The following RFFL variants were observed in gnomAD, a reference collection of about 807,000 sequenced individuals.
RFFL encodes the protein E3 ubiquitin-protein ligase rififylin.
RFFL carries 16 observed loss-of-function variants against 40.4 expected under a neutral mutation model. That is an observed-to-expected ratio of 0.40 (90% CI 0.27 to 0.60). The LOEUF (loss-of-function observed/expected upper bound fraction) is 0.60, where lower values mean the gene tolerates loss of function less well. Ranked by LOEUF, RFFL falls within the 20% of genes least tolerant of loss-of-function variation. The pLI is 0.47. For synonymous variants in RFFL, 154 were observed against 167.9 expected (o/e 0.92, Z 0.64); for missense variants, 367 against 451.7 (o/e 0.81, Z 1.70).
chr17:35,061,209 T>A (rs1331015877), intron 1 of RFFL, among the ~76,000 whole-genome samples: 2 of 152,260 alleles, frequency 1.3e-5, no homozygotes, highest in African/African-American at 4.8e-5. Context: ...AGATGTGGAC[T>A]TTAAAAAGAT....
chr17:35,026,178 C>T (rs933180651), intron 2 of RFFL, among the ~76,000 whole-genome samples, 196 bp downstream of exon 2: 14 of 152,198 alleles, frequency 9.2e-5, no homozygotes, highest in Non-Finnish European at 1.9e-4. Flanking sequence ...TCTACTGACT[C>T]CAAATCTATG....
chr17:35,041,126 TA>T (rs776068783), intron 1 of RFFL, among the ~76,000 whole-genome samples: 26 of 152,040 alleles, frequency 1.7e-4, no homozygotes, highest in South Asian at 6.2e-4. Context: ...TTTCCCTAAC[TA>T]GAATAGAAAC....
At chr17:35,027,371 A>G (rs890199560) in intron 1 of RFFL, among the ~76,000 whole-genome samples, 13 of 152,172 alleles carry the variant, frequency 8.5e-5, no homozygotes, top group African/African-American at 2.2e-4. Flanking sequence ...ACTGTTGTCC[A>G]TGTAGAAGCT....
chr17:35,051,786 A>G (rs1164201248), intron 1 of RFFL, among the ~76,000 whole-genome samples: 1 of 152,232 alleles, frequency 6.6e-6, no homozygotes, highest in African/African-American at 2.4e-5. Context: ...TGACTGAGAC[A>G]GTTAAACAGC....
At chr17:35,077,216 A>G (rs2091381637) in intron 1 of RFFL, among the ~76,000 whole-genome samples, 1 of 151,890 alleles carries the variant, frequency 6.6e-6, no homozygotes, top group South Asian at 2.1e-4. Flanking sequence ...TTCTCTCCCC[A>G]GGTAGGAATG....
chr17:35,040,096 C>T (rs543345442), intron 1 of RFFL, among the ~76,000 whole-genome samples: 6 of 152,238 alleles, frequency 3.9e-5, no homozygotes, highest in African/African-American at 1.2e-4. Context: ...CTAATTGACA[C>T]TTCTCTATCC....
At chr17:35,059,242 CT>C (rs1449059482) in intron 1 of RFFL, among the ~76,000 whole-genome samples, 2 of 152,036 alleles carry the variant, frequency 1.3e-5, no homozygotes, top group Admixed American at 6.6e-5. Context: ...TGGTCTGGAA[CT>C]CCCGACCTCA....
chr17:35,017,415 C>G, intron 4 of RFFL, 108 bp downstream of exon 4: 1 of 731,280 alleles, frequency 1.4e-6, no homozygotes, highest in South Asian at 1.5e-5. Context: ...ATTTCGGAAG[C>G]ACTATCATCA....
intron 1 of RFFL, among the ~76,000 whole-genome samples, chr17:35,035,830 C>T (rs1033323961): frequency 3.3e-5 from 5 of 151,814 alleles, no homozygotes; most frequent in African/African-American, 7.2e-5. Context: ...CAGCCTCCTG[C>T]GTAGCTGGGA....
At chr17:35,021,173 T>C (rs1352476457) in intron 3 of RFFL, among the ~76,000 whole-genome samples, 198 bp downstream of exon 3, 1 of 152,220 alleles carries the variant, frequency 6.6e-6, no homozygotes, top group Non-Finnish European at 1.5e-5. Flanking sequence ...AAATTGGTAC[T>C]GTGCATATCA....
At chr17:35,066,829 T>A (rs1004270771), upstream of RFFL, among the ~76,000 whole-genome samples, 1 of 152,116 alleles carries the variant, frequency 6.6e-6, no homozygotes, top group African/African-American at 2.4e-5. Flanking sequence ...TGATAATTAA[T>A]GATTGCCAAA....
At chr17:35,041,465 G>A (rs1462881303) in intron 1 of RFFL, among the ~76,000 whole-genome samples, 1 of 152,024 alleles carries the variant, frequency 6.6e-6, no homozygotes, top group Admixed American at 6.5e-5. Flanking sequence ...TTGCATTTTA[G>A]AATAAAAATA....
chr17:35,034,032 A>G (rs1454470623), intron 1 of RFFL, among the ~76,000 whole-genome samples: 1 of 151,622 alleles, frequency 6.6e-6, no homozygotes, highest in East Asian at 1.9e-4. Context: ...AGTCCCAGCT[A>G]CCCGGGAGGC....
intron 1 of RFFL, among the ~76,000 whole-genome samples, chr17:35,070,032 T>C (rs761258710): frequency 3.9e-5 from 6 of 152,008 alleles, no homozygotes; most frequent in Non-Finnish European, 7.4e-5. Context: ...TACATATATA[T>C]ACATACACAC....
intron 1 of RFFL, among the ~76,000 whole-genome samples, chr17:35,053,619 T>C (rs565882309): frequency 1.0e-3 from 154 of 152,296 alleles, no homozygotes; most frequent in African/African-American, 3.6e-3. Flanking sequence ...CATTTGTAAA[T>C]TGAAGATAAT....
At chr17:35,085,125 G>C (rs1314720624) in intron 1 of RFFL, among the ~76,000 whole-genome samples, 2 of 152,116 alleles carry the variant, frequency 1.3e-5, no homozygotes, top group African/African-American at 4.8e-5. Flanking sequence ...CAGTGACTCA[G>C]CAGCAAATCA....
chr17:35,087,050 C>G (rs542172527), intron 1 of RFFL, among the ~76,000 whole-genome samples: 2 of 152,160 alleles, frequency 1.3e-5, no homozygotes, highest in Non-Finnish European at 2.9e-5. Context: ...CTAAAAACGC[C>G]TTTTCCACAA....
At chr17:35,084,300 T>C (rs2091418374) in intron 1 of RFFL, among the ~76,000 whole-genome samples, 1 of 152,024 alleles carries the variant, frequency 6.6e-6, no homozygotes, top group Non-Finnish European at 1.5e-5. Flanking sequence ...GGAGATTTTT[T>C]AAAGCTAGCT....
At position 35,017,566 on chromosome 17, in the gene RFFL, T is replaced by TA. The variant is rs760143743; in HGVS notation, c.631dup (p.Tyr211LeufsTer11). 9 of 1,611,992 alleles carry TA rather than the reference T, an allele frequency of 5.6e-6. No individual in the cohort carries two copies. The highest frequency in any genetic ancestry group is 6.8e-6 in the Non-Finnish European group (8 of 1,179,056). On this transcript the variant is annotated frameshift_variant, in exon 4 of 7. Coordinates refer to ENST00000394597, the MANE Select transcript of RFFL (RefSeq NM_001017368.2). LOFTEE classifies it high-confidence loss of function. Reference sequence around the variant, plus strand: ...AGGTACTCTGGCCACGCTCTCCAGGTAGACGGGTTCCTCTTGATCCTGAGA... The same window carrying TA: ...AGGTACTCTGGCCACGCTCTCCAGGTAAGACGGGTTCCTCTTGATCCTGAGA...
Sources: gnomAD v4.1 joint callset for allele counts (sites outside exome capture counted in the v4.1 genomes callset) on GRCh38, gnomAD v4.1.1 for gene constraint, MANE v1.5 for transcripts, NCBI Gene and HGNC (gene_info 2026-07-23, HGNC 2026-07-21) for gene names.